The following WWOX variants were observed in gnomAD, a reference collection of about 807,000 sequenced individuals.
WWOX encodes WW domain containing oxidoreductase.
A neutral mutation model predicts 46.2 loss-of-function variants in WWOX; 69 were observed. The observed-to-expected ratio is 1.49, with a 90% CI of 1.23 to 1.82. WWOX has a LOEUF of 1.82. Ranked by LOEUF, WWOX falls within the 40% of genes most tolerant of loss-of-function variation. The pLI is 0.00. For missense variants in WWOX, 919 were observed against 542.6 expected (o/e 1.69, Z -6.89); for synonymous variants, 359 against 202.6 (o/e 1.77, Z -6.56).
chr16:78,575,042 T>TAA (rs1567655085), intron 8 of WWOX, among the ~76,000 whole-genome samples: 4 of 5,156 alleles, frequency 7.8e-4, no homozygotes, highest in African/African-American at 1.4e-3. Context: ...TATATATATA[T>TAA]ATATATATAT....
intron 8 of WWOX, among the ~76,000 whole-genome samples, chr16:79,166,313 T>C (rs2050593450): frequency 6.6e-6 from 1 of 152,210 alleles, no homozygotes; most frequent in African/African-American, 2.4e-5. Flanking sequence ...CCTTAATTTC[T>C]CTGACACAGG....
intron 8 of WWOX, among the ~76,000 whole-genome samples, chr16:78,942,222 A>T (rs537261300): frequency 6.6e-6 from 1 of 152,154 alleles, no homozygotes; most frequent in Non-Finnish European, 1.5e-5. Context: ...GGTATAGTCA[A>T]TTCCCTTTAA....
chr16:78,314,069 G>A (rs1445061729), intron 5 of WWOX, among the ~76,000 whole-genome samples: 2 of 152,062 alleles, frequency 1.3e-5, no homozygotes, highest in Non-Finnish European at 2.9e-5. Flanking sequence ...GTCTCCTTCA[G>A]TTATGGTGAG....
chr16:78,888,741 C>A (rs897654201), intron 8 of WWOX, among the ~76,000 whole-genome samples: 2 of 152,158 alleles, frequency 1.3e-5, no homozygotes, highest in Non-Finnish European at 2.9e-5. Flanking sequence ...GAAATACATT[C>A]CCCTAAAATA....
intron 8 of WWOX, among the ~76,000 whole-genome samples, chr16:79,023,173 C>T (rs1341953305): frequency 2.0e-5 from 3 of 152,136 alleles, no homozygotes; most frequent in Non-Finnish European, 2.9e-5. Flanking sequence ...ACACACTTGA[C>T]CTAATGGAAA....
At chr16:78,731,862 T>TTTTTTTTTTTTTTTG (rs34201735) in intron 8 of WWOX, among the ~76,000 whole-genome samples, 3 of 137,802 alleles carry the variant, frequency 2.2e-5, no homozygotes, top group African/African-American at 6.2e-5. Flanking sequence ...TTTTTTTTTT[T>TTTTTTTTTTTTTTTG]TGAGAGACAG....
intron 8 of WWOX, among the ~76,000 whole-genome samples, chr16:78,683,777 C>A (rs559761065): frequency 6.6e-6 from 1 of 152,076 alleles, no homozygotes; most frequent in African/African-American, 2.4e-5. Context: ...ATCCAACAGT[C>A]GTGATTTAGG....
chr16:78,478,977 T>G (rs1299621093), intron 8 of WWOX, among the ~76,000 whole-genome samples: 2 of 152,210 alleles, frequency 1.3e-5, no homozygotes, highest in African/African-American at 4.8e-5. Flanking sequence ...TCTGTAGAAG[T>G]TGATAATCTG....
At chr16:79,079,269 C>T (rs1347182544) in intron 8 of WWOX, among the ~76,000 whole-genome samples, 1 of 152,208 alleles carries the variant, frequency 6.6e-6, no homozygotes, top group East Asian at 1.9e-4. Context: ...TATTTAATCA[C>T]CTTAGCCCAT....
intron 8 of WWOX, among the ~76,000 whole-genome samples, chr16:78,924,952 T>C (rs944929392): frequency 6.6e-6 from 1 of 152,098 alleles, no homozygotes; most frequent in Non-Finnish European, 1.5e-5. Flanking sequence ...TCCAGCACTT[T>C]GGGGGGCCAA....
chr16:78,872,182 C>G lies in WWOX; in HGVS notation c.1057-339426C>G, dbSNP rs115049099. On this transcript the variant is annotated intron_variant, in intron 8 of 8. Coordinates refer to ENST00000566780, the MANE Select transcript of WWOX (RefSeq NM_016373.4). The stretch of plus-strand genomic sequence containing the variant: ...CTTTTAGAGACGATGTCTAACAGTG[C>G]AACCCATAGAACCAGGCTGCCTGGA... Among the ~76,000 whole-genome samples the G allele has an allele frequency of 5.7e-3, 869 of 152,298 alleles. 6 individuals are homozygous for G. Among genetic ancestry groups the G allele is most frequent in the African/African-American group, 0.02 (813 of 41,546 alleles).
intron 5 of WWOX, among the ~76,000 whole-genome samples, chr16:78,346,957 T>C (rs1231184811): frequency 8.4e-6 from 1 of 119,634 alleles, no homozygotes; most frequent in Non-Finnish European, 2.0e-5. Flanking sequence ...ACTCCTGACC[T>C]CAGGTGATCT....
chr16:78,665,406 A>T (rs116271025), intron 8 of WWOX, among the ~76,000 whole-genome samples: 3 of 152,192 alleles, frequency 2.0e-5, no homozygotes, highest in African/African-American at 7.2e-5. Context: ...GTTACTGAAT[A>T]TAACTATTGA....
intron 8 of WWOX, among the ~76,000 whole-genome samples, chr16:78,847,679 C>G (rs1053961609): frequency 2.0e-5 from 3 of 151,640 alleles, no homozygotes; most frequent in African/African-American, 7.3e-5. Context: ...TGTTATTTAA[C>G]TCTCAGTTTC....
At chr16:78,452,868 T>C (rs1042326419) in intron 8 of WWOX, among the ~76,000 whole-genome samples, 1 of 148,376 alleles carries the variant, frequency 6.7e-6, no homozygotes, top group East Asian at 2.0e-4. Flanking sequence ...GTGAGCTATT[T>C]ATATATATAT....
intron 4 of WWOX, among the ~76,000 whole-genome samples, chr16:78,147,949 A>G (rs374295307): frequency 6.6e-6 from 1 of 151,810 alleles, no homozygotes; most frequent in Non-Finnish European, 1.5e-5. Flanking sequence ...TCTTTGGATG[A>G]GTGTGTGCGT....
chr16:78,156,729 G>A (rs925808402), intron 4 of WWOX, among the ~76,000 whole-genome samples: 3 of 152,064 alleles, frequency 2.0e-5, no homozygotes, highest in Admixed American at 6.5e-5. Flanking sequence ...TTCGAGAGCA[G>A]CCTGGCCAAC....
intron 5 of WWOX, among the ~76,000 whole-genome samples, chr16:78,192,557 G>A (rs1035034424): frequency 6.6e-6 from 1 of 151,796 alleles, no homozygotes; most frequent in Non-Finnish European, 1.5e-5. Flanking sequence ...GGATTGTTGA[G>A]GAAATACGTG....
At chr16:78,477,952 C>A (rs953298597) in intron 8 of WWOX, among the ~76,000 whole-genome samples, 2 of 151,930 alleles carry the variant, frequency 1.3e-5, no homozygotes, top group Non-Finnish European at 2.9e-5. Flanking sequence ...ATTAGAATTA[C>A]CAGGGGAAAG....
Sources: gnomAD v4.1 joint callset for allele counts (sites outside exome capture counted in the v4.1 genomes callset) on GRCh38, gnomAD v4.1.1 for gene constraint, MANE v1.5 for transcripts, NCBI Gene and HGNC (gene_info 2026-07-23, HGNC 2026-07-21) for gene names.